Variants in APBA2 observed in about 807,000 individuals in gnomAD.
The protein encoded by APBA2 is amyloid beta precursor protein binding family A member 2.
A neutral mutation model predicts 75.0 loss-of-function variants in APBA2; 30 were observed. The ratio of observed to expected loss-of-function variants is 0.40; its 90% CI spans 0.30 to 0.54. APBA2 has a LOEUF of 0.54. APBA2 is among the 20% of genes least tolerant of loss of function. APBA2 has a pLI of 0.49. For synonymous variants in APBA2, 444 were observed against 409.6 expected (o/e 1.08, Z -1.01); for missense variants, 801 against 1,016.1 (o/e 0.79, Z 2.88).
intron 2 of APBA2, among the ~76,000 whole-genome samples, chr15:28,942,583 G>A (rs545281363): frequency 7.2e-5 from 11 of 152,300 alleles, no homozygotes; most frequent in Middle Eastern, 3.4e-3. Flanking sequence ...CCCTGAGGTC[G>A]GTTGTTGGAC....
chr15:28,969,703 C>T (rs1015424850), intron 2 of APBA2, among the ~76,000 whole-genome samples: 9 of 152,096 alleles, frequency 5.9e-5, no homozygotes, highest in African/African-American at 9.7e-5. Context: ...GTTTGCTGCC[C>T]GAGGGTCCTG....
intron 1 of APBA2, among the ~76,000 whole-genome samples, chr15:28,908,063 G>T (rs2033224476): frequency 6.6e-6 from 1 of 152,204 alleles, no homozygotes. Flanking sequence ...CCCCGTGAGT[G>T]CAGGCCTGTG....
chr15:29,048,115 G>A (rs908537324), intron 3 of APBA2, among the ~76,000 whole-genome samples: 2 of 152,128 alleles, frequency 1.3e-5, no homozygotes, highest in Non-Finnish European at 2.9e-5. Flanking sequence ...TTGGGAAACC[G>A]AGGTGGCTGA....
intron 3 of APBA2, among the ~76,000 whole-genome samples, chr15:29,017,353 G>T (rs1334285804): frequency 6.9e-6 from 1 of 145,752 alleles, no homozygotes; most frequent in African/African-American, 2.5e-5. Flanking sequence ...TATCTTTGAA[G>T]TCTCTCTTTT....
At chr15:29,101,194 C>A (rs186000435) in intron 9 of APBA2, among the ~76,000 whole-genome samples, 1 of 149,644 alleles carries the variant, frequency 6.7e-6, no homozygotes, top group African/African-American at 2.5e-5. Context: ...ATCAGGGTTG[C>A]GAAACCCGAA....
At chr15:29,090,665 C>T (rs2043517207) in intron 6 of APBA2, among the ~76,000 whole-genome samples, 1 of 152,160 alleles carries the variant, frequency 6.6e-6, no homozygotes. Flanking sequence ...CCTGGGGCGC[C>T]TGGAAGAACC....
chr15:29,013,297 T>G (rs2039494744), intron 3 of APBA2, among the ~76,000 whole-genome samples: 1 of 130,430 alleles, frequency 7.7e-6, no homozygotes, highest in African/African-American at 3.6e-5. Flanking sequence ...TTTTTTTTTT[T>G]GAGACAGAGT....
chr15:29,022,215 A>G (rs1260058813), intron 3 of APBA2, among the ~76,000 whole-genome samples: 1 of 152,326 alleles, frequency 6.6e-6, no homozygotes, highest in East Asian at 1.9e-4. Flanking sequence ...AGGAACCTCC[A>G]TACTATTTTC....
At chr15:28,971,147 G>A (rs1012727903) in intron 2 of APBA2, among the ~76,000 whole-genome samples, 5 of 151,966 alleles carry the variant, frequency 3.3e-5, no homozygotes, top group African/African-American at 1.2e-4. Flanking sequence ...TTATAAGAAC[G>A]CTGTGCTTTC....
At chr15:29,068,169 G>A (rs2042458316) in intron 4 of APBA2, among the ~76,000 whole-genome samples, 1 of 152,206 alleles carries the variant, frequency 6.6e-6, no homozygotes, top group Non-Finnish European at 1.5e-5. Flanking sequence ...TGGGAGAACT[G>A]CAAGCTTGAG....
intron 1 of APBA2, among the ~76,000 whole-genome samples, chr15:28,913,013 T>C (rs2152653357): frequency 6.6e-6 from 1 of 152,368 alleles, no homozygotes; most frequent in African/African-American, 2.4e-5. Flanking sequence ...TCTAGTATTC[T>C]AGTTATTTTC....
At chr15:29,062,705 T>A (rs1044110933) in intron 4 of APBA2, among the ~76,000 whole-genome samples, 1 of 152,160 alleles carries the variant, frequency 6.6e-6, no homozygotes, top group Non-Finnish European at 1.5e-5. Context: ...GCTCTCCCAC[T>A]ACCACTAATA....
intron 3 of APBA2, among the ~76,000 whole-genome samples, chr15:29,045,861 T>G (rs1400563366): frequency 6.6e-6 from 1 of 152,208 alleles, no homozygotes; most frequent in African/African-American, 2.4e-5. Context: ...ACAGTCACCC[T>G]CTGAGTACAG....
chr15:29,102,488 T>C (rs2046833), intron 10 of APBA2: 138,349 of 153,684 alleles, frequency 0.9, 63,580 homozygotes, highest in Non-Finnish European at 0.99. Flanking sequence ...GGCACGGTAG[T>C]TCATGCCTGT....
At chr15:29,074,543 A>G (rs1331523938) in intron 4 of APBA2, among the ~76,000 whole-genome samples, 1 of 152,028 alleles carries the variant, frequency 6.6e-6, no homozygotes, top group Admixed American at 6.6e-5. Flanking sequence ...ATGGGTACAG[A>G]GTTTTAGTTT....
chr15:29,104,218 G>A (rs557794178), intron 10 of APBA2, among the ~76,000 whole-genome samples: 15 of 152,348 alleles, frequency 9.8e-5, no homozygotes, highest in African/African-American at 3.6e-4. Context: ...GTAGGAGTTT[G>A]CTGGGGGCGC....
intron 2 of APBA2, among the ~76,000 whole-genome samples, chr15:28,966,376 G>A (rs1039824705): frequency 3.9e-5 from 6 of 152,058 alleles, no homozygotes; most frequent in African/African-American, 1.2e-4. Flanking sequence ...TGTGGTCTGG[G>A]GGGTACGCAT....
chr15:29,064,224 C>T (rs1362210225), intron 4 of APBA2, among the ~76,000 whole-genome samples: 4 of 152,154 alleles, frequency 2.6e-5, no homozygotes, highest in African/African-American at 9.7e-5. Flanking sequence ...CAAATGATAG[C>T]CAAGCCTCTC....
chr15:28,905,361 C>T (rs2033082010), intron 1 of APBA2, among the ~76,000 whole-genome samples: 1 of 152,214 alleles, frequency 6.6e-6, no homozygotes, highest in Non-Finnish European at 1.5e-5. Flanking sequence ...TTCGGAAGAA[C>T]GGACTTGACT....
Sources: gnomAD v4.1 joint callset for allele counts (sites outside exome capture counted in the v4.1 genomes callset) on GRCh38, gnomAD v4.1.1 for gene constraint, MANE v1.5 for transcripts, NCBI Gene and HGNC (gene_info 2026-07-23, HGNC 2026-07-21) for gene names.